UGT2B17: variants seen among roughly 807,000 people sequenced by gnomAD.
UGT2B17 encodes the protein UDP-glucuronosyltransferase 2B17.
Under a neutral mutation model 48.2 loss-of-function variants are expected in UGT2B17, and 21 were observed. The ratio of observed to expected loss-of-function variants is 0.44; its 90% CI spans 0.31 to 0.63. UGT2B17 has a LOEUF of 0.63. Among genes scored for constraint, UGT2B17 ranks in the 20% least tolerant of loss-of-function variants. The pLI, the probability that UGT2B17 is intolerant of heterozygous loss-of-function variation, is 0.08. For missense variants in UGT2B17, 402 were observed against 696.1 expected, an observed-to-expected ratio of 0.58 and a Z score of 4.75; for synonymous variants, 146 against 238.4, an observed-to-expected ratio of 0.61 and a Z score of 3.57.
intron 3 of UGT2B17, among the ~76,000 whole-genome samples, chr4:68,561,346 C>G (rs1278762024): frequency 8.3e-6 from 1 of 119,808 alleles, no homozygotes; most frequent in Non-Finnish European, 1.7e-5. Flanking sequence ...GTTCATCAGT[C>G]TGGTGTTGGG....
rs1238015878 is a variant in UGT2B17 at position 68,546,207 on chromosome 4, C to T, written c.1313+4470G>A. Among the ~76,000 whole-genome samples, 2 of 125,836 alleles carry T rather than the reference C, an allele frequency of 1.6e-5. 1 individual carries two copies. Among genetic ancestry groups the T allele is most frequent in the Non-Finnish European group, 3.4e-5 (2 of 59,520 alleles). 82.6% of individuals were successfully genotyped at this position (125,836 alleles called of 152,430 possible). On this transcript the variant is annotated intron_variant, in intron 6 of 6. Transcript: ENST00000317746. ...TACTGGCAAACTGAATCCAGCAGCA[C>T]ATCAAAAAGCTTATCCACCTTGACC...
intron 1 of UGT2B17, among the ~76,000 whole-genome samples, chr4:68,570,725 G>A (rs1318092405): frequency 7.9e-6 from 1 of 126,002 alleles, no homozygotes; most frequent in African/African-American, 2.7e-5. Flanking sequence ...AGAAGTACAG[G>A]TAGCAAACAA....
chr4:68,549,283 C>T (rs1730873366), intron 6 of UGT2B17, among the ~76,000 whole-genome samples: 1 of 118,664 alleles, frequency 8.4e-6, no homozygotes, highest in Non-Finnish European at 1.7e-5. Context: ...TTATGGAAAA[C>T]TATTACATAT....
intron 1 of UGT2B17, among the ~76,000 whole-genome samples, chr4:68,570,522 T>A (rs1731282373): frequency 1.6e-5 from 2 of 126,646 alleles, no homozygotes; most frequent in African/African-American, 5.4e-5. Flanking sequence ...TAAAACAATA[T>A]AAAATAATCT....
At position 68,559,397 on chromosome 4, in the gene UGT2B17, A is replaced by G. The variant is rs1384363858; in HGVS notation, c.1005+1140T>C. 4.7e-5 allele frequency among the ~76,000 whole-genome samples: 6 copies of G among 126,350 alleles called. 1 individual carries two copies. The highest frequency in any genetic ancestry group is 1.6e-4 in the African/African-American group (6 of 37,064). 82.9% of individuals were successfully genotyped at this position (126,350 alleles called of 152,430 possible). On this transcript the variant is annotated intron_variant, in intron 4 of 6. Transcript: ENST00000317746. Reference sequence around the variant, plus strand: ...AGAATGTAGAAAATTGTATTTTGCTACTTTTTGCTTAACTGATCTTTCACA... The same window carrying G: ...AGAATGTAGAAAATTGTATTTTGCTGCTTTTTGCTTAACTGATCTTTCACA...
In UGT2B17 at chr4:68,567,096, T is replaced by A. The variant is rs568636807; in HGVS notation, c.724+665A>T. Among the ~76,000 whole-genome samples the A allele has an allele frequency of 4.0e-5, 5 of 126,270 alleles. 2 individuals are homozygous for A. The highest frequency in any genetic ancestry group is 8.4e-5 in the Non-Finnish European group (5 of 59,706). 82.8% of individuals were successfully genotyped at this position (126,270 alleles called of 152,430 possible). On this transcript the variant is annotated intron_variant, in intron 2 of 6. Coordinates refer to ENST00000317746, the MANE Select transcript of UGT2B17 (RefSeq NM_001077.4). ...ACATAGAGATATGTGCTCTTCCTTA[T>A]TTTGGCCCCTATTTTCTTTGATGGA... is the stretch of plus-strand genomic sequence containing the variant.
intron 6 of UGT2B17, among the ~76,000 whole-genome samples, chr4:68,548,602 C>T (rs116832500): frequency 0.029 from 3,586 of 124,768 alleles, 889 homozygotes; most frequent in Admixed American, 0.046. Flanking sequence ...GGCAGCATGG[C>T]CATTTTTACA....
Position 68,543,265 on chromosome 4 carries a change from A to G in UGT2B17, c.1314-5361T>C, listed in dbSNP as rs1454996432. Among the ~76,000 whole-genome samples, 5 of 124,982 alleles carry G rather than the reference A, an allele frequency of 4.0e-5. 2 individuals are homozygous for G. The highest frequency in any genetic ancestry group is 1.4e-4 in the African/African-American group (5 of 36,556). The allele number at this position is 124,982 out of a possible 152,430, so 82.0% of individuals were successfully genotyped here. On this transcript the variant is annotated intron_variant, in intron 6 of 6. Coordinates refer to ENST00000317746, the MANE Select transcript of UGT2B17 (RefSeq NM_001077.4). ...TCCAGAGGAACAATCAGACAGCAACATTTGCTGTTCACTAATATCCACTGT... is the reference window on the plus strand; with the variant it reads ...TCCAGAGGAACAATCAGACAGCAACGTTTGCTGTTCACTAATATCCACTGT...
At chr4:68,548,507 A>G (rs1282130881) in intron 6 of UGT2B17, among the ~76,000 whole-genome samples, 1 of 124,836 alleles carries the variant, frequency 8.0e-6, no homozygotes, top group Admixed American at 8.3e-5. Flanking sequence ...GCACACCAAC[A>G]TGGCACATGT....
intron 1 of UGT2B17, among the ~76,000 whole-genome samples, chr4:68,568,803 C>G (rs571314519): frequency 0.1 from 9,604 of 94,096 alleles, 1,520 homozygotes; most frequent in African/African-American, 0.25. Flanking sequence ...AACTCAAACG[C>G]CATTTTTTAA....
rs1396264421 is a variant in UGT2B17 at position 68,555,277 on chromosome 4, G to A, written c.1006-3366C>T. 2.4e-5 allele frequency among the ~76,000 whole-genome samples: 3 copies of A among 125,658 alleles called. 1 individual carries two copies. The highest frequency in any genetic ancestry group is 5.4e-5 in the African/African-American group (2 of 37,024). The allele number at this position is 125,658 out of a possible 152,430, so 82.4% of individuals were successfully genotyped here. ...CTGTAAACCAAGCCCAAAACAGAAT[G>A]ATCTTCACTTGTGTAATTTTTAATA... On this transcript the variant is annotated intron_variant, in intron 4 of 6. Coordinates refer to ENST00000317746, the MANE Select transcript of UGT2B17 (RefSeq NM_001077.4).
In UGT2B17 at chr4:68,537,521, C is replaced by A. The variant is rs745691473; in HGVS notation, c.*104G>T. 2.9e-6 allele frequency: 3 copies of A among 1,043,572 alleles called. No individual in the cohort carries two copies. Among genetic ancestry groups the A allele is most frequent in the Middle Eastern group, 3.3e-4 (1 of 3,044 alleles). 64.6% of individuals were successfully genotyped at this position (1,043,572 alleles called of 1,614,324 possible). ...CTTAACAGGGTAAGTTGTGAAAAGACGTTTTGTCGCAGGAAAAAGGAAATC... is the reference window on the plus strand; with the variant it reads ...CTTAACAGGGTAAGTTGTGAAAAGAAGTTTTGTCGCAGGAAAAAGGAAATC... On this transcript the variant is annotated 3_prime_UTR_variant, in exon 7 of 7. Transcript: ENST00000317746.
In UGT2B17 at chr4:68,550,275, A is replaced by G. The variant is rs560464823; in HGVS notation, c.1313+402T>C. Among the ~76,000 whole-genome samples, 88 of 125,234 alleles carry G rather than the reference A, an allele frequency of 7.0e-4. 30 individuals carry two copies. The South Asian group carries it at 0.031, about 44-fold the overall frequency. The allele number at this position is 125,234 out of a possible 152,430, so 82.2% of individuals were successfully genotyped here. A position where few individuals can be genotyped will look rare whatever the true frequency, so the allele number is the denominator to read the frequency against. On this transcript the variant is annotated intron_variant, in intron 6 of 6. Transcript: ENST00000317746. Reference sequence around the variant, plus strand: ...CTATGCAAATTGTAACTCATTTTCAAATTGATTAAAATAATGATAATAATA... The same window carrying G: ...CTATGCAAATTGTAACTCATTTTCAGATTGATTAAAATAATGATAATAATA...
intron 6 of UGT2B17, among the ~76,000 whole-genome samples, chr4:68,547,093 C>G (rs1354119711): frequency 8.7e-6 from 1 of 114,920 alleles, no homozygotes; most frequent in Admixed American, 9.2e-5. Context: ...TCATATGGAA[C>G]CAAAAAAGAG....
Position 68,565,903 on chromosome 4 carries a change from A to T in UGT2B17, c.725-183T>A, listed in dbSNP as rs1043251118. Among the ~76,000 whole-genome samples the T allele has an allele frequency of 8.1e-4, 97 of 119,872 alleles. 24 individuals carry two copies. Among genetic ancestry groups the T allele is most frequent in the Admixed American group, 1.8e-4 (2 of 11,296 alleles). 78.6% of individuals were successfully genotyped at this position (119,872 alleles called of 152,430 possible). ...TAATATAATACATTATATTAAATACATTATATTAAATTAATGTATATTAAA... is the reference window on the plus strand; with the variant it reads ...TAATATAATACATTATATTAAATACTTTATATTAAATTAATGTATATTAAA... On this transcript the variant is annotated intron_variant, in intron 2 of 6. Transcript: ENST00000317746.
rs867330623 is a variant in UGT2B17 at position 68,572,564 on chromosome 4, T to C, written c.-65+3387A>G. Reference sequence around the variant, plus strand: ...AGGGCATATAGAACCAGGAAGCTGATAAGAAAGACGATTATGAGGGCGTGA... The same window carrying C: ...AGGGCATATAGAACCAGGAAGCTGACAAGAAAGACGATTATGAGGGCGTGA... On this transcript the variant is annotated intron_variant, in intron 1 of 6. Transcript: ENST00000317746. Among the ~76,000 whole-genome samples the C allele has an allele frequency of 1.6e-5, 2 of 126,778 alleles. 1 individual carries two copies. The highest frequency in any genetic ancestry group is 7.9e-3 in the Middle Eastern group (2 of 252). 83.2% of individuals were successfully genotyped at this position (126,778 alleles called of 152,430 possible).
intron 1 of UGT2B17, among the ~76,000 whole-genome samples, chr4:68,568,846 T>C (rs1358721577): frequency 7.5e-6 from 1 of 133,812 alleles, no homozygotes; most frequent in Non-Finnish European, 1.6e-5. Context: ...TCTAAAACTT[T>C]GTTGACACAT....
In UGT2B17 at chr4:68,537,781, G is replaced by A. The variant is rs1222321800; in HGVS notation, c.1437C>T (p.Val479=). Residue 479 remains valine, a synonymous_variant, in exon 7 of 7, where the codon GTC becomes GTT. Coordinates refer to ENST00000317746, the MANE Select transcript of UGT2B17 (RefSeq NM_001077.4). The stretch of plus-strand genomic sequence containing the variant: ...GGATCCAGGTGAGGTTGTGGGCTGC[G>A]ACCCGAAGGTGCTTGGCTCCTTTAT... ...MRHKGAKHLR[V]AAHNLTWIQY... The A allele has an allele frequency of 3.6e-6, 5 of 1,379,546 alleles. 1 individual carries two copies. The highest frequency in any genetic ancestry group is 4.7e-6 in the Non-Finnish European group (5 of 1,054,988). The allele number at this position is 1,379,546 out of a possible 1,614,324, so 85.5% of individuals were successfully genotyped here. A position where few individuals can be genotyped will look rare whatever the true frequency, so the allele number is the denominator to read the frequency against.
chr4:68,565,739 A>G lies in UGT2B17; in HGVS notation c.725-19T>C. 2 of 1,327,328 alleles carry G rather than the reference A, an allele frequency of 1.5e-6. 1 individual carries two copies. Among genetic ancestry groups the G allele is most frequent in the Non-Finnish European group, 1.9e-6 (2 of 1,028,734 alleles). The allele number at this position is 1,327,328 out of a possible 1,614,324, so 82.2% of individuals were successfully genotyped here. A position where few individuals can be genotyped will look rare whatever the true frequency, so the allele number is the denominator to read the frequency against. On this transcript the variant is annotated intron_variant, in intron 2 of 6. Transcript: ENST00000317746. ...GGTCTTCCTGATGGAAAAAAACAAA[A>G]CAAAACAAAAGGTAGCTAACACGAG...
Sources: gnomAD v4.1 joint callset for allele counts (sites outside exome capture counted in the v4.1 genomes callset) on GRCh38, gnomAD v4.1.1 for gene constraint, MANE v1.5 for transcripts, NCBI Gene and HGNC (gene_info 2026-07-23, HGNC 2026-07-21) for gene names.